The following KCTD16 variants were observed in gnomAD, a reference collection of about 807,000 sequenced individuals.
The protein encoded by KCTD16 is potassium channel tetramerization domain containing 16.
In KCTD16, 13 loss-of-function variants were observed where a neutral mutation model predicts 33.2. The observed-to-expected ratio is 0.39, with a 90% CI of 0.25 to 0.62. KCTD16 has a LOEUF of 0.62. Among genes scored for constraint, KCTD16 ranks in the 20% least tolerant of loss-of-function variants. The pLI, the probability that KCTD16 is intolerant of heterozygous loss-of-function variation, is 0.50. For synonymous variants in KCTD16, 197 were observed against 195.3 expected (o/e 1.01, Z -0.07); for missense variants, 441 against 525.1 (o/e 0.84, Z 1.57).
In KCTD16 at chr5:144,181,180, G is replaced by A. The variant is rs1005402176; in HGVS notation, c.-327+6708G>A. The stretch of plus-strand genomic sequence containing the variant: ...GATCTCCTGACCTCATGATCCGCCC[G>A]CCTCTGCCTCCCAAAGTGCTGGGAT... On this transcript the variant is annotated intron_variant, in intron 2 of 3. Transcript: ENST00000512467. Among the ~76,000 whole-genome samples, 20 of 152,182 alleles carry A rather than the reference G, an allele frequency of 1.3e-4. No homozygotes were observed. In the South Asian group the frequency reaches 1.7e-3, roughly 13 times the overall value.
At chr5:144,416,439 T>C (rs576899902) in intron 3 of KCTD16, among the ~76,000 whole-genome samples, 96 of 152,248 alleles carry the variant, frequency 6.3e-4, no homozygotes, top group African/African-American at 2.2e-3. Flanking sequence ...TGAAGGGGAA[T>C]GTTATGAAGA....
chr5:144,233,642 T>C (rs1272591918), intron 3 of KCTD16, among the ~76,000 whole-genome samples: 1 of 152,182 alleles, frequency 6.6e-6, no homozygotes, highest in Non-Finnish European at 1.5e-5. Flanking sequence ...AAGACTGTGC[T>C]ATTACATTAT....
rs1217618861 is a variant in KCTD16, at chr5:144,476,558, A to G, written c.*2444A>G. 6.6e-6 allele frequency: 1 copy of G among 152,158 alleles called. No homozygotes were observed. The highest frequency in any genetic ancestry group is 1.9e-4 in the East Asian group (1 of 5,180). 9.4% of individuals were successfully genotyped at this position (152,158 alleles called of 1,614,324 possible). A position where few individuals can be genotyped will look rare whatever the true frequency, so the allele number is the denominator to read the frequency against. On this transcript the variant is annotated 3_prime_UTR_variant, in exon 4 of 4. Transcript: ENST00000512467. ...TGTTTAAAACCATCACAACAGCAAT[A>G]TTTTTATTCTGGGCCACCTCTCGAC...
chr5:144,195,643 C>T (rs73792189), intron 2 of KCTD16, among the ~76,000 whole-genome samples: 149 of 152,248 alleles, frequency 9.8e-4, no homozygotes, highest in Middle Eastern at 3.4e-3. Flanking sequence ...AGTGCTGCAA[C>T]GGACTTACAT....
intron 3 of KCTD16, among the ~76,000 whole-genome samples, chr5:144,293,179 G>A (rs1004694818): frequency 1.3e-5 from 2 of 151,976 alleles, no homozygotes; most frequent in African/African-American, 2.4e-5. Context: ...CTCTCCTCTC[G>A]GAAGTTTTCC....
At chr5:144,440,310 C>T (rs973618243) in intron 3 of KCTD16, among the ~76,000 whole-genome samples, 2 of 152,106 alleles carry the variant, frequency 1.3e-5, no homozygotes, top group African/African-American at 4.8e-5. Context: ...ATTCACTATG[C>T]GCCATCGTCC....
chr5:144,189,359 G>C (rs1050971279), intron 2 of KCTD16, among the ~76,000 whole-genome samples: 3 of 152,164 alleles, frequency 2.0e-5, no homozygotes, highest in African/African-American at 7.2e-5. Flanking sequence ...AGCCGGGTGT[G>C]GTGGCGGGCG....
intron 3 of KCTD16, among the ~76,000 whole-genome samples, chr5:144,465,192 T>G (rs979659045): frequency 2.2e-4 from 10 of 45,158 alleles, no homozygotes; most frequent in Admixed American, 3.2e-4. Flanking sequence ...CCCCCCCCTC[T>G]CTCTCTCACT....
chr5:144,206,102 T>G (rs1040379513), intron 2 of KCTD16: 1 of 152,746 alleles, frequency 6.5e-6, no homozygotes, highest in Admixed American at 6.5e-5. Context: ...CATTTGGAAG[T>G]TGAAAATTGC....
In KCTD16 at chr5:144,481,620, T is replaced by C. The variant is rs1754704922; in HGVS notation, c.*7506T>C. 1 of 151,970 alleles carries C rather than the reference T, an allele frequency of 6.6e-6. No homozygotes were observed. The allele number at this position is 151,970 out of a possible 1,614,324, so 9.4% of individuals were successfully genotyped here. A position where few individuals can be genotyped will look rare whatever the true frequency, so the allele number is the denominator to read the frequency against. ...GTAGGGTCATTCTAATTCCATTTTA[T>C]ACAAGGGAAACTAAGGACCCAGAAA... On this transcript the variant is annotated 3_prime_UTR_variant, in exon 4 of 4. Transcript: ENST00000512467.
At chr5:144,349,444 T>C (rs1752889795) in intron 3 of KCTD16, among the ~76,000 whole-genome samples, 1 of 152,222 alleles carries the variant, frequency 6.6e-6, no homozygotes, top group African/African-American at 2.4e-5. Flanking sequence ...TTTTTATCAT[T>C]CCTGAAAAAG....
At chr5:144,187,689 T>G (rs1030763193) in intron 2 of KCTD16, among the ~76,000 whole-genome samples, 6 of 152,238 alleles carry the variant, frequency 3.9e-5, no homozygotes, top group Admixed American at 3.9e-4. Context: ...GCAGTTGATC[T>G]CTGGATTTCT....
intron 3 of KCTD16, among the ~76,000 whole-genome samples, chr5:144,297,921 C>T (rs973659631): frequency 6.6e-6 from 1 of 152,194 alleles, no homozygotes; most frequent in East Asian, 1.9e-4. Context: ...TGGTCCAACT[C>T]GGCTAGAGCT....
intron 3 of KCTD16, among the ~76,000 whole-genome samples, chr5:144,333,120 A>T (rs749507876): frequency 3.9e-5 from 6 of 152,182 alleles, no homozygotes; most frequent in Non-Finnish European, 7.3e-5. Context: ...ATATCATCTT[A>T]CTATTTTAAA....
chr5:144,401,821 CA>C (rs2126946795), intron 3 of KCTD16, among the ~76,000 whole-genome samples: 1 of 152,268 alleles, frequency 6.6e-6, no homozygotes, highest in East Asian at 1.9e-4. Context: ...ATCTGTATTT[CA>C]TAGATATGGA....
rs376092885 is a variant in KCTD16, at chr5:144,209,649, A to C, written c.832+2103A>C. On this transcript the variant is annotated intron_variant, in intron 3 of 3. Coordinates refer to ENST00000512467, the MANE Select transcript of KCTD16 (RefSeq NM_020768.4). ...TAATTAGAAGCTGCCAACTGTGCCT[A>C]TATAAGCATTAATTCATCAAGCTGT... 4.0e-5 allele frequency among the ~76,000 whole-genome samples: 6 copies of C among 151,852 alleles called. No homozygotes were observed. The South Asian group carries it at 1.2e-3, about 32-fold the overall frequency.
intron 3 of KCTD16, among the ~76,000 whole-genome samples, chr5:144,473,055 G>A (rs541077466): frequency 2.6e-5 from 4 of 152,288 alleles, no homozygotes; most frequent in African/African-American, 9.6e-5. Context: ...TGAATTAACA[G>A]AGTTTTTGTT....
At chr5:144,383,277 C>T (rs936185088) in intron 3 of KCTD16, 2 of 152,202 alleles carry the variant, frequency 1.3e-5, no homozygotes, top group Non-Finnish European at 2.9e-5. Flanking sequence ...AAACTGTCAT[C>T]TTTCATCCTG....
intron 3 of KCTD16, among the ~76,000 whole-genome samples, chr5:144,254,917 C>A (rs1754805502): frequency 6.6e-6 from 1 of 152,054 alleles, no homozygotes; most frequent in Admixed American, 6.6e-5. Context: ...GCATGCACTA[C>A]CATGCCTGGC....
Sources: gnomAD v4.1 joint callset for allele counts (sites outside exome capture counted in the v4.1 genomes callset) on GRCh38, gnomAD v4.1.1 for gene constraint, MANE v1.5 for transcripts, NCBI Gene and HGNC (gene_info 2026-07-23, HGNC 2026-07-21) for gene names.